Variants in ZNF628 observed in about 807,000 individuals in gnomAD.
ZNF628 encodes zinc finger protein Zec.
In ZNF628, 3 loss-of-function variants were observed where a neutral mutation model predicts 2.5. The ratio of observed to expected loss-of-function variants is 1.19; its 90% CI spans 0.54 to 3.07. The LOEUF (loss-of-function observed/expected upper bound fraction) is 3.07. Ranked by LOEUF, ZNF628 falls within the 30% of genes most tolerant of loss-of-function variation. ZNF628 has a pLI of 0.03. For missense variants in ZNF628, 1,610 were observed against 1,517.1 expected (o/e 1.06, Z -1.02); for synonymous variants, 861 against 717.1 (o/e 1.20, Z -3.21).
rs571273606 is a variant in ZNF628 at position 55,481,814 on chromosome 19, G to T, written c.621G>T (p.Pro207=). 4.4e-6 allele frequency: 7 copies of T among 1,599,354 alleles called. No individual in the cohort carries two copies. Among genetic ancestry groups the T allele is most frequent in the East Asian group, 2.3e-5 (1 of 44,070 alleles). ...VHTGERPFRC[P]LCPKTFTHSS... ...CGGGCGAGCGGCCCTTCCGCTGCCCGCTCTGCCCCAAGACCTTCACCCACT... is the reference window on the plus strand; with the variant it reads ...CGGGCGAGCGGCCCTTCCGCTGCCCTCTCTGCCCCAAGACCTTCACCCACT... The change falls in exon 3 of 3, where the codon CCG becomes CCT. Residue 207 remains proline, a synonymous_variant. Coordinates refer to ENST00000598519, the MANE Select transcript of ZNF628 (RefSeq NM_033113.3).
intron 1 of ZNF628, among the ~76,000 whole-genome samples, chr19:55,478,379 G>A (rs1193383812): frequency 2.6e-5 from 4 of 152,312 alleles, no homozygotes; most frequent in South Asian, 2.1e-4. Context: ...AGCGAGTGGC[G>A]GGCACAGGTG....
In ZNF628 at chr19:55,484,021, A is replaced by C. The variant is rs200160847; in HGVS notation, c.2828A>C (p.Asp943Ala). The change falls in exon 3 of 3, where the codon GAT becomes GCT. Residue 943 changes from aspartate to alanine, a missense_variant. Transcript: ENST00000598519. ...LQSVLVLSGADGEQTRLCVQE... is the reference protein window; with the variant it reads ...LQSVLVLSGAAGEQTRLCVQE... ...AGCGTGCTGGTGCTGAGCGGGGCCG[A>C]TGGCGAACAGACTCGACTCTGCGTA... 1.9e-6 allele frequency: 3 copies of C among 1,595,280 alleles called. No individual in the cohort carries two copies. Among genetic ancestry groups the C allele is most frequent in the Non-Finnish European group, 2.6e-6 (3 of 1,170,678 alleles).
Position 55,484,081 on chromosome 19 carries a change from AGCC to A in ZNF628, c.2892_2894del (p.Pro965del). ...GAAACACTTCCTCCTGGGCTGACGG[AGCC>A]GCCTGCCACCGGCCCACCCGGACAG... is the stretch of plus-strand genomic sequence containing the variant. On this transcript the variant is annotated inframe_deletion, in exon 3 of 3. Coordinates refer to ENST00000598519, the MANE Select transcript of ZNF628 (RefSeq NM_033113.3). 6.3e-7 allele frequency: 1 copy of A among 1,593,002 alleles called. No individual in the cohort carries two copies.
intron 1 of ZNF628, among the ~76,000 whole-genome samples, chr19:55,477,114 T>A (rs1307742093): frequency 6.6e-6 from 1 of 152,220 alleles, no homozygotes; most frequent in Admixed American, 6.5e-5. Flanking sequence ...CAAAAACTCC[T>A]GAGTCCTGGT....
Position 55,483,483 on chromosome 19 carries a change from G to C in ZNF628, c.2290G>C (p.Val764Leu), listed in dbSNP as rs779467535. The change falls in exon 3 of 3, where the codon GTG becomes CTG. Residue 764 changes from valine to leucine, a missense_variant. Val to Leu is a conservative substitution (Grantham distance 32). This residue lies in a region of ZNF628 where 712 missense variants were observed against 603.6 expected (regional missense o/e 1.18). Transcript: ENST00000598519. ...CCGTGCAAGGCAGGGCCCGCGGGCA[G>C]TGGGGAAAGCGGGCCAGGGGGCGGG... ...GGRARQGPRAVGKAGQGAGVV... is the reference protein window; with the variant it reads ...GGRARQGPRALGKAGQGAGVV... The C allele has an allele frequency of 1.8e-5, 28 of 1,531,134 alleles. No homozygotes were observed. The highest frequency in any genetic ancestry group is 2.3e-5 in the Non-Finnish European group (26 of 1,141,118). 94.8% of individuals were successfully genotyped at this position (1,531,134 alleles called of 1,614,324 possible).
chr19:55,478,583 C>G (rs1392942007), intron 1 of ZNF628, among the ~76,000 whole-genome samples: 1 of 152,218 alleles, frequency 6.6e-6, no homozygotes, highest in Non-Finnish European at 1.5e-5. Context: ...TACAGGAATG[C>G]AATGCCCAGC....
At chr19:55,477,996 C>T (rs926736523) in intron 1 of ZNF628, among the ~76,000 whole-genome samples, 1 of 152,200 alleles carries the variant, frequency 6.6e-6, no homozygotes, top group African/African-American at 2.4e-5. Context: ...TAGCGGTTCT[C>T]ATCTGGGGGC....
In ZNF628 at chr19:55,483,271, C is replaced by A; in HGVS notation, c.2078C>A (p.Ala693Glu). 1 of 1,519,448 alleles carries A rather than the reference C, an allele frequency of 6.6e-7. No homozygotes were observed. The highest frequency in any genetic ancestry group is 2.1e-5 in the Admixed American group (1 of 48,104). The allele number at this position is 1,519,448 out of a possible 1,614,324, so 94.1% of individuals were successfully genotyped here. A position where few individuals can be genotyped will look rare whatever the true frequency, so the allele number is the denominator to read the frequency against. Residue 693 changes from alanine to glutamate, a missense_variant, in exon 3 of 3, where the codon GCG (alanine) becomes GAG (glutamate). By Grantham distance (107) the Ala-to-Glu change is moderately radical. This residue lies in a region of ZNF628 where 712 missense variants were observed against 603.6 expected (regional missense o/e 1.18). Transcript: ENST00000598519. ...CAGGCCACGCTCTCCCTCGAGGTGG[C>A]GGGGGGCACGGCCCAGGCCCCGAGC... ...HLQATLSLEV[A>E]GGTAQAPSLG...
In ZNF628 at chr19:55,482,558, A is replaced by G; in HGVS notation, c.1365A>G (p.Lys455=). The G allele has an allele frequency of 6.3e-7, 1 of 1,588,694 alleles. No homozygotes were observed. Among genetic ancestry groups the G allele is most frequent in the Non-Finnish European group, 8.5e-7 (1 of 1,172,840 alleles). The part of the protein sequence containing the change: ...SAPASAERPY[K]CAECGKSFKG... ...CCGCTTCTGCGGAGCGGCCCTACAA[A>G]TGTGCCGAGTGCGGCAAGTCCTTCA... is the stretch of plus-strand genomic sequence containing the variant. The change falls in exon 3 of 3, where the codon AAA becomes AAG. Residue 455 remains lysine (K), a synonymous_variant. Coordinates refer to ENST00000598519, the MANE Select transcript of ZNF628 (RefSeq NM_033113.3).
Position 55,481,973 on chromosome 19 carries a change from C to G in ZNF628, c.780C>G (p.Leu260=). 6.8e-7 allele frequency: 1 copy of G among 1,464,396 alleles called. No homozygotes were observed. Among genetic ancestry groups the G allele is most frequent in the Non-Finnish European group, 9.0e-7 (1 of 1,114,766 alleles). 90.7% of individuals were successfully genotyped at this position (1,464,396 alleles called of 1,614,324 possible). A position where few individuals can be genotyped will look rare whatever the true frequency, so the allele number is the denominator to read the frequency against. The change falls in exon 3 of 3, where the codon CTC becomes CTG. Residue 260 remains leucine, a synonymous_variant. Coordinates refer to ENST00000598519, the MANE Select transcript of ZNF628 (RefSeq NM_033113.3). ...GCGACGCCTACCTGCAGCGGCACCT[C>G]CAGCCCCACAGCCCGCCCGCGCCTC... ...FVCDAYLQRH[L]QPHSPPAPPA...
chr19:55,480,173 T>C (rs1341798611), intron 2 of ZNF628, among the ~76,000 whole-genome samples: 1 of 151,734 alleles, frequency 6.6e-6, no homozygotes, highest in Non-Finnish European at 1.5e-5. Context: ...AGCACCAAGC[T>C]AGAGTGACCT....
Position 55,476,797 on chromosome 19 carries a change from T to G in ZNF628, c.-88T>G. Reference sequence around the variant, plus strand: ...GGGCTGCCACCCTCGTTCCCCCGATTGGGGCCGCAGGTGAGAGACCGGAGG... The same window carrying G: ...GGGCTGCCACCCTCGTTCCCCCGATGGGGGCCGCAGGTGAGAGACCGGAGG... On this transcript the variant is annotated 5_prime_UTR_variant, in exon 1 of 3. The change creates a new upstream start codon in the 5' untranslated region. Coordinates refer to ENST00000598519, the MANE Select transcript of ZNF628 (RefSeq NM_033113.3). The G allele has an allele frequency of 2.0e-5, 2 of 97,966 alleles. No individual in the cohort carries two copies. Among genetic ancestry groups the G allele is most frequent in the African/African-American group, 3.9e-5 (1 of 25,364 alleles). The allele number at this position is 97,966 out of a possible 1,614,324, so 6.1% of individuals were successfully genotyped here.
chr19:55,483,263 C>T lies in ZNF628; in HGVS notation c.2070C>T (p.Leu690=), dbSNP rs962589524. The change falls in exon 3 of 3, where the codon CTC becomes CTT. Residue 690 remains leucine, a synonymous_variant. Transcript: ENST00000598519. Reference sequence around the variant, plus strand: ...CCCACCTCCAGGCCACGCTCTCCCTCGAGGTGGCGGGGGGCACGGCCCAGG... The same window carrying T: ...CCCACCTCCAGGCCACGCTCTCCCTTGAGGTGGCGGGGGGCACGGCCCAGG... ...VLPHLQATLS[L]EVAGGTAQAP... is the part of the protein sequence containing the mutation. The T allele has an allele frequency of 1.2e-5, 18 of 1,526,872 alleles. No individual in the cohort carries two copies. The African/African-American group carries it at 1.8e-4, about 15-fold the overall frequency. 94.6% of individuals were successfully genotyped at this position (1,526,872 alleles called of 1,614,324 possible). A position where few individuals can be genotyped will look rare whatever the true frequency, so the allele number is the denominator to read the frequency against.
chr19:55,477,175 C>A (rs1408526199), intron 1 of ZNF628, among the ~76,000 whole-genome samples: 1 of 152,170 alleles, frequency 6.6e-6, no homozygotes, highest in Non-Finnish European at 1.5e-5. Context: ...GATGGGGCTC[C>A]AGTGGCAGCA....
rs1166129318 is a variant in ZNF628 at position 55,484,230 on chromosome 19, G to GCGGGGCTCCC, written c.3047_3056dup (p.Ala1020ArgfsTer75). 1 of 1,548,754 alleles carries GCGGGGCTCCC rather than the reference G, an allele frequency of 6.5e-7. No homozygotes were observed. Among genetic ancestry groups the GCGGGGCTCCC allele is most frequent in the South Asian group, 1.2e-5 (1 of 83,892 alleles). The stretch of plus-strand genomic sequence containing the variant: ...GCCGTCAGGCCCAGCCTCGGGCCCC[G>GCGGGGCTCCC]CGGGGCTCCCCGGGGCTCCAGCCTC... On this transcript the variant is annotated frameshift_variant, in exon 3 of 3. Coordinates refer to ENST00000598519, the MANE Select transcript of ZNF628 (RefSeq NM_033113.3). LOFTEE classifies it high-confidence loss of function.
In ZNF628 at chr19:55,483,610, G is replaced by A. The variant is rs755972905; in HGVS notation, c.2417G>A (p.Gly806Glu). Residue 806 changes from glycine to glutamate, a missense_variant, in exon 3 of 3, where the codon GGG (glycine) becomes GAG (glutamate). Coordinates refer to ENST00000598519, the MANE Select transcript of ZNF628 (RefSeq NM_033113.3). ...AGCCTCATCGTTCTGCAGAATGTGG[G>A]GGGTGGGGAGGCAGGGCCACAGGAA... ...GQSLIVLQNVGGGEAGPQEMS... is the reference protein window; with the variant it reads ...GQSLIVLQNVEGGEAGPQEMS... The A allele has an allele frequency of 6.2e-7, 1 of 1,613,366 alleles. No homozygotes were observed. Among genetic ancestry groups the A allele is most frequent in the Middle Eastern group, 1.7e-4 (1 of 6,040 alleles).
In ZNF628 at chr19:55,482,536, C is replaced by G; in HGVS notation, c.1343C>G (p.Ala448Gly). 1 of 1,553,754 alleles carries G rather than the reference C, an allele frequency of 6.4e-7. No individual in the cohort carries two copies. The highest frequency in any genetic ancestry group is 2.3e-5 in the East Asian group (1 of 43,572). ...PVPPPPPSAP[A>G]SAERPYKCAE... is the part of the protein sequence containing the mutation. ...CCGCCGCCACCCCCGTCCGCCCCCG[C>G]TTCTGCGGAGCGGCCCTACAAATGT... Residue 448 changes from alanine (A) to glycine (G), a missense_variant, in exon 3 of 3, where the codon GCT becomes GGT. Coordinates refer to ENST00000598519, the MANE Select transcript of ZNF628 (RefSeq NM_033113.3).
Position 55,482,570 on chromosome 19 carries a change from C to T in ZNF628, c.1377C>T (p.Cys459=), listed in dbSNP as rs764675252. Residue 459 remains cysteine, a synonymous_variant, in exon 3 of 3, where the codon TGC becomes TGT. Coordinates refer to ENST00000598519, the MANE Select transcript of ZNF628 (RefSeq NM_033113.3). ...SAERPYKCAE[C]GKSFKGSSGL... ...AGCGGCCCTACAAATGTGCCGAGTG[C>T]GGCAAGTCCTTCAAGGGCTCCTCCG... The T allele has an allele frequency of 3.9e-6, 6 of 1,555,734 alleles. No homozygotes were observed. The highest frequency in any genetic ancestry group is 4.4e-6 in the Non-Finnish European group (5 of 1,148,668).
rs1016984149 is a variant in ZNF628, at chr19:55,481,574, G to C, written c.381G>C (p.Leu127=). The change falls in exon 3 of 3, where the codon CTG becomes CTC. Residue 127 remains leucine (L), a synonymous_variant. Coordinates refer to ENST00000598519, the MANE Select transcript of ZNF628 (RefSeq NM_033113.3). ...CCTTCATCTGCGGCCAGTGCGGCCT[G>C]GCCTTCAAGTGGTCGTCCCACTACC... is the stretch of plus-strand genomic sequence containing the variant. ...LRAFICGQCG[L]AFKWSSHYQY... 6.2e-7 allele frequency: 1 copy of C among 1,613,482 alleles called. No individual in the cohort carries two copies. Among genetic ancestry groups the C allele is most frequent in the Non-Finnish European group, 8.5e-7 (1 of 1,179,696 alleles).
Sources: allele counts gnomAD v4.1 joint callset (sites outside exome capture counted in the v4.1 genomes callset), GRCh38; gene constraint gnomAD v4.1.1; regional missense constraint gnomAD v4.1.1; transcripts MANE v1.5; gene names NCBI Gene and HGNC (gene_info 2026-07-23, HGNC 2026-07-21).